The following RAB23 variants were observed in gnomAD, a reference collection of about 807,000 sequenced individuals.
RAB23 encodes the protein ras-related protein Rab-23.
RAB23 carries 15 observed loss-of-function variants against 30.0 expected under a neutral mutation model. The observed-to-expected ratio is 0.50, with a 90% CI of 0.33 to 0.77. The LOEUF (loss-of-function observed/expected upper bound fraction) is 0.77, where lower values mean the gene tolerates loss of function less well. Ranked by LOEUF, RAB23 falls within the 30% of genes least tolerant of loss-of-function variation. The pLI is 0.02. For synonymous variants in RAB23, 93 were observed against 94.0 expected, an observed-to-expected ratio of 0.99 and a Z score of 0.06; for missense variants, 243 against 275.4, an observed-to-expected ratio of 0.88 and a Z score of 0.83.
intron 1 of RAB23, among the ~76,000 whole-genome samples, chr6:57,216,944 C>T (rs144767928): frequency 6.6e-6 from 1 of 152,122 alleles, no homozygotes; most frequent in Non-Finnish European, 1.5e-5. Flanking sequence ...ACTTGCATGA[C>T]CATCTTGGTT....
intron 2 of RAB23, among the ~76,000 whole-genome samples, 190 bp from the exon 3 acceptor site, chr6:57,207,903 A>G (rs749469909): frequency 8.5e-5 from 13 of 152,182 alleles, no homozygotes; most frequent in Non-Finnish European, 1.9e-4. Context: ...GAAAATTAGG[A>G]GTCAAAAATG....
intron 2 of RAB23, among the ~76,000 whole-genome samples, chr6:57,210,017 A>T (rs1328073978): frequency 6.6e-6 from 1 of 151,918 alleles, no homozygotes; most frequent in Non-Finnish European, 1.5e-5. Context: ...AGAGTAGAAA[A>T]AGAAAAAAAA....
intron 1 of RAB23, chr6:57,221,475 G>A (rs1381604315): frequency 6.6e-6 from 1 of 152,524 alleles, no homozygotes; most frequent in Non-Finnish European, 1.5e-5. Flanking sequence ...GGAAGGGTGG[G>A]GTCGCGGGTA....
Position 57,210,291 on chromosome 6 carries a change from G to A in RAB23, c.90C>T (p.Cys30=). Residue 30 remains cysteine, a synonymous_variant, in exon 2 of 7, where the codon TGC becomes TGT. Coordinates refer to ENST00000468148, the MANE Select transcript of RAB23 (RefSeq NM_016277.5). ...VGKSSMIQRY[C]KGIFTKDYKK... ...TGTAGTCTTTTGTAAAAATGCCTTT[G>A]CAATATCGCTGAATCATACTTGATT... 1 of 1,613,900 alleles carries A rather than the reference G, an allele frequency of 6.2e-7. No homozygotes were observed.
rs1223068134 is a variant in RAB23 at position 57,189,299 on chromosome 6, C to T, written c.*1162G>A. The T allele has an allele frequency of 6.6e-6, 1 of 152,108 alleles. No homozygotes were observed. Among genetic ancestry groups the T allele is most frequent in the Non-Finnish European group, 1.5e-5 (1 of 68,008 alleles). 9.4% of individuals were successfully genotyped at this position (152,108 alleles called of 1,614,324 possible). A position where few individuals can be genotyped will look rare whatever the true frequency, so the allele number is the denominator to read the frequency against. ...TGATTGATAATCTTAAAATACCATA[C>T]AAAAATGTGTAAACAAAAGGATGGT... On this transcript the variant is annotated 3_prime_UTR_variant, in exon 7 of 7. Transcript: ENST00000468148.
chr6:57,203,195 G>A (rs747139958), intron 3 of RAB23, among the ~76,000 whole-genome samples: 3 of 151,888 alleles, frequency 2.0e-5, no homozygotes, highest in Non-Finnish European at 4.4e-5. Context: ...TAGTAGAGAC[G>A]TGGTTTCACC....
At chr6:57,216,397 CAAT>C (rs1256608397) in intron 1 of RAB23, among the ~76,000 whole-genome samples, 1 of 152,164 alleles carries the variant, frequency 6.6e-6, no homozygotes, top group Non-Finnish European at 1.5e-5. Flanking sequence ...TCTAAAAACA[CAAT>C]AAAATCAGAA....
Position 57,190,277 on chromosome 6 carries a change from AT to A in RAB23, c.*183del. ...AATTAAAGGAGTCCACAGGGCAATA[AT>A]TTTTCCACCAGAGGTCTCACTCTAC... On this transcript the variant is annotated 3_prime_UTR_variant, in exon 7 of 7. Transcript: ENST00000468148. The A allele has an allele frequency of 3.0e-6, 2 of 663,110 alleles. No homozygotes were observed. The highest frequency in any genetic ancestry group is 5.1e-6 in the Non-Finnish European group (2 of 393,416). 41.1% of individuals were successfully genotyped at this position (663,110 alleles called of 1,614,324 possible). A position where few individuals can be genotyped will look rare whatever the true frequency, so the allele number is the denominator to read the frequency against.
chr6:57,193,830 C>G lies in RAB23; in HGVS notation c.574+12G>C. On this transcript the variant is annotated intron_variant, in intron 6 of 6. Coordinates refer to ENST00000468148, the MANE Select transcript of RAB23 (RefSeq NM_016277.5). Reference sequence around the variant, plus strand: ...CCAAGTAAACATGGGCTAAAATTTCCTATGTACTTACCAATCTTGTTACTA... The same window carrying G: ...CCAAGTAAACATGGGCTAAAATTTCGTATGTACTTACCAATCTTGTTACTA... 5 of 1,611,582 alleles carry G rather than the reference C, an allele frequency of 3.1e-6. No homozygotes were observed. Among genetic ancestry groups the G allele is most frequent in the Non-Finnish European group, 4.2e-6 (5 of 1,178,782 alleles).
intron 4 of RAB23, among the ~76,000 whole-genome samples, chr6:57,195,862 TAA>T (rs969682496): frequency 7.9e-5 from 12 of 152,196 alleles, no homozygotes; most frequent in African/African-American, 2.9e-4. Context: ...TTTAAGACAC[TAA>T]GTTTTGGGCT....
At chr6:57,220,160 T>A (rs1766002011) in intron 1 of RAB23, among the ~76,000 whole-genome samples, 1 of 152,154 alleles carries the variant, frequency 6.6e-6, no homozygotes, top group African/African-American at 2.4e-5. Context: ...TGAAAACATG[T>A]ACATCTTTAG....
At chr6:57,198,417 G>C (rs893906634) in intron 3 of RAB23, among the ~76,000 whole-genome samples, 1 of 152,148 alleles carries the variant, frequency 6.6e-6, no homozygotes, top group African/African-American at 2.4e-5. Flanking sequence ...GGGAGGCTGA[G>C]GCAGGAGAAT....
chr6:57,206,917 A>G (rs1765475313), intron 3 of RAB23, among the ~76,000 whole-genome samples: 1 of 152,184 alleles, frequency 6.6e-6, no homozygotes, highest in Non-Finnish European at 1.5e-5. Flanking sequence ...AATATGAATG[A>G]TCAATTAATA....
At chr6:57,210,101 C>G in intron 2 of RAB23, 125 bp downstream of exon 2, 1 of 960,454 alleles carries the variant, frequency 1.0e-6, no homozygotes, top group South Asian at 1.4e-5. Context: ...CCATCACTGT[C>G]GCATGAGCAT....
intron 6 of RAB23, among the ~76,000 whole-genome samples, chr6:57,192,522 TA>T (rs1039741689): frequency 6.6e-6 from 1 of 152,206 alleles, no homozygotes; most frequent in African/African-American, 2.4e-5. Context: ...ATCTGATACA[TA>T]AGAAAGGAAA....
chr6:57,190,388 C>T lies in RAB23; in HGVS notation c.*73G>A. 6.4e-7 allele frequency: 1 copy of T among 1,561,896 alleles called. No homozygotes were observed. Among genetic ancestry groups the T allele is most frequent in the Admixed American group, 1.7e-5 (1 of 59,894 alleles). On this transcript the variant is annotated 3_prime_UTR_variant, in exon 7 of 7. Transcript: ENST00000468148. Reference sequence around the variant, plus strand: ...GCAAAGTCTGCTGAAAACCTTGTAACATACCATGACAGCTGGATGGGTTTC... The same window carrying T: ...GCAAAGTCTGCTGAAAACCTTGTAATATACCATGACAGCTGGATGGGTTTC...
chr6:57,221,144 C>A (rs1344402459), intron 1 of RAB23, among the ~76,000 whole-genome samples: 1 of 152,148 alleles, frequency 6.6e-6, no homozygotes, highest in African/African-American at 2.4e-5. Context: ...GTTGTTTTCT[C>A]ATAACAGCCT....
intron 2 of RAB23, among the ~76,000 whole-genome samples, chr6:57,209,150 A>G (rs1459997786): frequency 6.6e-6 from 1 of 152,230 alleles, no homozygotes; most frequent in African/African-American, 2.4e-5. Context: ...ACATGTGTTT[A>G]CTGTATGAGG....
intron 1 of RAB23, among the ~76,000 whole-genome samples, chr6:57,216,073 TA>T (rs1470268027): frequency 6.6e-6 from 1 of 152,238 alleles, no homozygotes; most frequent in African/African-American, 2.4e-5. Context: ...TTTCTGTGTT[TA>T]AATATGTTTA....
Sources: allele counts gnomAD v4.1 joint callset (sites outside exome capture counted in the v4.1 genomes callset), GRCh38; gene constraint gnomAD v4.1.1; transcripts MANE v1.5; gene names NCBI Gene and HGNC (gene_info 2026-07-23, HGNC 2026-07-21).